GXYLT1: variants seen among roughly 807,000 people sequenced by gnomAD.
GXYLT1 encodes glycosyltransferase 8 domain containing 3.
GXYLT1 carries 29 observed loss-of-function variants against 54.0 expected under a neutral mutation model. The ratio of observed to expected loss-of-function variants is 0.54; its 90% CI spans 0.40 to 0.73. The LOEUF is 0.73. Among genes scored for constraint, GXYLT1 ranks in the 30% least tolerant of loss-of-function variants. The probability of loss-of-function intolerance (pLI) is 0.00; values close to 1 mark genes in which losing one functional copy is unlikely to be tolerated. For synonymous variants in GXYLT1, 176 were observed against 204.1 expected (o/e 0.86, Z 1.17); for missense variants, 490 against 553.4 (o/e 0.89, Z 1.15).
intron 1 of GXYLT1, among the ~76,000 whole-genome samples, chr12:42,143,837 T>C (rs915210827): frequency 6.6e-6 from 1 of 152,246 alleles, no homozygotes; most frequent in Non-Finnish European, 1.5e-5. Context: ...CTCATTTTTC[T>C]TAATTTGCTC....
chr12:42,095,617 A>T (rs1037369683), intron 7 of GXYLT1, among the ~76,000 whole-genome samples: 2 of 152,198 alleles, frequency 1.3e-5, no homozygotes, highest in Non-Finnish European at 2.9e-5. Context: ...TTGGTACCCG[A>T]TAGAGGTAGG....
At chr12:42,109,775 G>C (rs2065441900) in intron 3 of GXYLT1, 84 bp from the exon 4 acceptor site, 2 of 879,970 alleles carry the variant, frequency 2.3e-6, no homozygotes, top group Non-Finnish European at 3.4e-6. Flanking sequence ...TAAAACAAAA[G>C]AGCTAAAAAT....
rs562965205 is a variant in GXYLT1, at chr12:42,100,989, CATCA to C, written c.865-2960_865-2957del. 2.5e-3 allele frequency among the ~76,000 whole-genome samples: 377 copies of C among 150,958 alleles called. 1 individual carries two copies. The highest frequency in any genetic ancestry group is 8.6e-3 in the African/African-American group (354 of 41,144). Reference sequence around the variant, plus strand: ...ACAAGAAATGTACCTATTCAAAGAGCATCAATGAAATACAAAATTAAGAGTTCAC... The same window carrying C: ...ACAAGAAATGTACCTATTCAAAGAGCATGAAATACAAAATTAAGAGTTCAC... On this transcript the variant is annotated intron_variant, in intron 5 of 7. Coordinates refer to ENST00000398675, the MANE Select transcript of GXYLT1 (RefSeq NM_173601.2).
At chr12:42,125,907 G>A (rs1335385320) in intron 2 of GXYLT1, among the ~76,000 whole-genome samples, 3 of 151,922 alleles carry the variant, frequency 2.0e-5, no homozygotes, top group African/African-American at 4.8e-5. Context: ...TGCACCTGTA[G>A]TCCCAGCTAC....
At chr12:42,092,605 T>C (rs938539603) in intron 7 of GXYLT1, among the ~76,000 whole-genome samples, 1 of 151,932 alleles carries the variant, frequency 6.6e-6, no homozygotes, top group African/African-American at 2.4e-5. Context: ...AACAGACAAC[T>C]GGGGGATGGG....
At chr12:42,141,723 G>A (rs2136924253) in intron 1 of GXYLT1, among the ~76,000 whole-genome samples, 1 of 152,226 alleles carries the variant, frequency 6.6e-6, no homozygotes, top group East Asian at 1.9e-4. Flanking sequence ...TTACAGGTGA[G>A]GAAATTAAAA....
intron 5 of GXYLT1, among the ~76,000 whole-genome samples, chr12:42,098,791 T>A (rs914240429): frequency 1.5e-5 from 1 of 66,886 alleles, no homozygotes; most frequent in Non-Finnish European, 3.0e-5. Context: ...ATATAATACA[T>A]GTGTGTGTAT....
chr12:42,137,304 C>T (rs533593802), intron 1 of GXYLT1, among the ~76,000 whole-genome samples: 2 of 151,922 alleles, frequency 1.3e-5, no homozygotes, highest in South Asian at 2.1e-4. Context: ...GTCAGGAGAT[C>T]GAGACCATCC....
intron 3 of GXYLT1, among the ~76,000 whole-genome samples, chr12:42,113,970 G>A (rs1476834838): frequency 6.6e-6 from 1 of 152,090 alleles, no homozygotes. Context: ...TCAGGATTAA[G>A]AAACTCACTC....
chr12:42,126,221 G>C (rs183041547), intron 2 of GXYLT1, among the ~76,000 whole-genome samples: 1 of 151,946 alleles, frequency 6.6e-6, no homozygotes, highest in African/African-American at 2.4e-5. Flanking sequence ...CTAAAGTTGC[G>C]CGCCACCATG....
chr12:42,137,661 G>A (rs1341229109), intron 1 of GXYLT1, among the ~76,000 whole-genome samples: 2 of 150,958 alleles, frequency 1.3e-5, no homozygotes, highest in Non-Finnish European at 2.9e-5. Flanking sequence ...GGAGGCTGAG[G>A]CAGGAGAATG....
At chr12:42,125,823 T>C (rs1020100847) in intron 2 of GXYLT1, among the ~76,000 whole-genome samples, 4 of 152,006 alleles carry the variant, frequency 2.6e-5, no homozygotes, top group Non-Finnish European at 5.9e-5. Flanking sequence ...ATGACCAGCC[T>C]GGGCAACATA....
At position 42,109,607 on chromosome 12, in the gene GXYLT1, T is replaced by C; in HGVS notation, c.571A>G (p.Lys191Glu). Residue 191 changes from lysine (K) to glutamate (E), a missense_variant, in exon 4 of 8, where the codon AAA becomes GAA. Lys to Glu is a moderately conservative substitution (Grantham distance 56). Transcript: ENST00000398675. ...TGCGAAGCACATGGTTTAAAGAGTT[T>C]TTTCCACTCTGCTGCATTCTCACTT... Reference protein sequence around the residue: ...FPSENAAEWKKLFKPCASQRL... With the variant: ...FPSENAAEWKELFKPCASQRL... 6.3e-7 allele frequency: 1 copy of C among 1,599,048 alleles called. No individual in the cohort carries two copies. The highest frequency in any genetic ancestry group is 8.5e-7 in the Non-Finnish European group (1 of 1,173,798).
At chr12:42,112,298 T>G (rs1374811296) in intron 3 of GXYLT1, among the ~76,000 whole-genome samples, 4 of 152,174 alleles carry the variant, frequency 2.6e-5, no homozygotes, top group Non-Finnish European at 5.9e-5. Flanking sequence ...AGATGGAGAA[T>G]GACTTTGACA....
intron 7 of GXYLT1, among the ~76,000 whole-genome samples, chr12:42,093,160 C>T (rs993137072): frequency 4.6e-5 from 7 of 152,124 alleles, no homozygotes; most frequent in Non-Finnish European, 7.4e-5. Context: ...TGCAATGGAG[C>T]GATCCTGGCT....
At chr12:42,123,420 A>G (rs2065542851) in intron 2 of GXYLT1, among the ~76,000 whole-genome samples, 1 of 152,174 alleles carries the variant, frequency 6.6e-6, no homozygotes, top group Non-Finnish European at 1.5e-5. Flanking sequence ...TAGGTAAAAA[A>G]TGTATGGTAT....
At chr12:42,087,977 A>T (rs2065306873) in intron 7 of GXYLT1, 30 bp from the exon 8 acceptor site, 1 of 1,259,152 alleles carries the variant, frequency 7.9e-7, no homozygotes. Context: ...AAAAATAAAA[A>T]ATTTAAAAGG....
chr12:42,123,384 G>C (rs189198647), intron 2 of GXYLT1, among the ~76,000 whole-genome samples: 1 of 152,236 alleles, frequency 6.6e-6, no homozygotes, highest in Admixed American at 6.5e-5. Flanking sequence ...AAAAAGAAAA[G>C]TGGTAAAATG....
intron 3 of GXYLT1, among the ~76,000 whole-genome samples, chr12:42,111,689 T>C (rs2065457287): frequency 6.6e-6 from 1 of 152,232 alleles, no homozygotes; most frequent in African/African-American, 2.4e-5. Context: ...TGCCTGCCTC[T>C]GTAGGCTCCA....
Sources: gnomAD v4.1 joint callset for allele counts (sites outside exome capture counted in the v4.1 genomes callset) on GRCh38, gnomAD v4.1.1 for gene constraint, MANE v1.5 for transcripts, NCBI Gene and HGNC (gene_info 2026-07-23, HGNC 2026-07-21) for gene names.